Variants in POU6F2 observed in about 807,000 individuals in gnomAD.
The protein encoded by POU6F2 is POU class 6 homeobox 2.
In POU6F2, 31 loss-of-function variants were observed where a neutral mutation model predicts 71.3. That is an observed-to-expected ratio of 0.43 (90% confidence interval 0.33 to 0.59). POU6F2 has a LOEUF of 0.59. POU6F2 is among the 20% of genes least tolerant of loss of function. The pLI is 0.04. For synonymous variants in POU6F2, 347 were observed against 355.7 expected (o/e 0.98, Z 0.27); for missense variants, 783 against 856.8 (o/e 0.91, Z 1.07).
At chr7:39,063,536 G>A (rs945325909) in intron 1 of POU6F2, among the ~76,000 whole-genome samples, 17 of 152,186 alleles carry the variant, frequency 1.1e-4, no homozygotes, top group African/African-American at 4.1e-4. Flanking sequence ...TTAAACGGAT[G>A]AGAGAGACAA....
chr7:39,014,864 C>T (rs1298223692), intron 1 of POU6F2, among the ~76,000 whole-genome samples: 3 of 152,098 alleles, frequency 2.0e-5, no homozygotes, highest in Non-Finnish European at 4.4e-5. Flanking sequence ...GCGCCTCCTA[C>T]TTCTTAGTTT....
At chr7:39,333,422 A>C (rs1204746700) in intron 4 of POU6F2, among the ~76,000 whole-genome samples, 2 of 151,734 alleles carry the variant, frequency 1.3e-5, no homozygotes, top group African/African-American at 4.8e-5. Flanking sequence ...TTTTTTTCTA[A>C]TGGCAGAACA....
intron 1 of POU6F2, among the ~76,000 whole-genome samples, chr7:39,070,761 A>C (rs1391946201): frequency 6.6e-6 from 1 of 152,180 alleles, no homozygotes; most frequent in Non-Finnish European, 1.5e-5. Context: ...TGTAAGTTAC[A>C]TACCCACACC....
At chr7:39,126,994 T>TA (rs1225276376) in intron 2 of POU6F2, among the ~76,000 whole-genome samples, 3 of 152,174 alleles carry the variant, frequency 2.0e-5, no homozygotes, top group African/African-American at 4.8e-5. Flanking sequence ...GTAGCCACAT[T>TA]AAAAAAATAA....
chr7:39,236,119 A>G (rs1794670917), intron 4 of POU6F2, among the ~76,000 whole-genome samples: 1 of 152,146 alleles, frequency 6.6e-6, no homozygotes, highest in Non-Finnish European at 1.5e-5. Flanking sequence ...TGCACTCACC[A>G]CTTCCTTTGA....
At chr7:39,362,557 A>G (rs1343497534) in intron 5 of POU6F2, among the ~76,000 whole-genome samples, 2 of 152,290 alleles carry the variant, frequency 1.3e-5, no homozygotes, top group African/African-American at 4.8e-5. Flanking sequence ...CAGTTCTGGT[A>G]TCATTTTAGT....
chr7:39,141,328 T>C (rs1792496444), intron 2 of POU6F2, among the ~76,000 whole-genome samples: 1 of 152,172 alleles, frequency 6.6e-6, no homozygotes, highest in Non-Finnish European at 1.5e-5. Flanking sequence ...AGGAAGCAGT[T>C]GGAGGGAGTT....
chr7:39,078,898 A>G (rs1791053342), intron 1 of POU6F2, among the ~76,000 whole-genome samples: 2 of 152,150 alleles, frequency 1.3e-5, no homozygotes, highest in Non-Finnish European at 2.9e-5. Flanking sequence ...CAGCCTGGCG[A>G]CAGAGCAAGA....
Position 39,131,808 on chromosome 7 carries a change from C to G in POU6F2, c.277+45777C>G, listed in dbSNP as rs563964199. Among the ~76,000 whole-genome samples, 4 of 152,020 alleles carry G rather than the reference C, an allele frequency of 2.6e-5. No homozygotes were observed. The South Asian group carries it at 8.3e-4, about 32-fold the overall frequency. ...TGACTGGCTAGAGAGTGATTTGCTT[C>G]CCTTCCGATGAGAGGCATCTATTTT... On this transcript the variant is annotated intron_variant, in intron 2 of 9. Coordinates refer to ENST00000518318, the MANE Select transcript of POU6F2 (RefSeq NM_001370959.1).
intron 5 of POU6F2, among the ~76,000 whole-genome samples, chr7:39,374,091 G>GAGAT (rs1451314157): frequency 6.6e-6 from 1 of 152,124 alleles, no homozygotes; most frequent in African/African-American, 2.4e-5. Flanking sequence ...GGGGCAAAGG[G>GAGAT]AGATGATGAT....
rs1325891895 is a variant in POU6F2, at chr7:39,468,073, T to C, written c.*3387T>C. The C allele has an allele frequency of 6.6e-6, 1 of 152,244 alleles. No individual in the cohort carries two copies. Among genetic ancestry groups the C allele is most frequent in the Non-Finnish European group, 1.5e-5 (1 of 68,046 alleles). 9.4% of individuals were successfully genotyped at this position (152,244 alleles called of 1,614,324 possible). On this transcript the variant is annotated 3_prime_UTR_variant, in exon 10 of 10. Transcript: ENST00000518318. Reference sequence around the variant, plus strand: ...TAAAGGAAATTGATTTTCATTTCAATGTTTGACTGTAAAATCTGTTTGGAT... The same window carrying C: ...TAAAGGAAATTGATTTTCATTTCAACGTTTGACTGTAAAATCTGTTTGGAT...
At chr7:39,367,735 C>T (rs1028848142) in intron 5 of POU6F2, among the ~76,000 whole-genome samples, 1 of 152,164 alleles carries the variant, frequency 6.6e-6, no homozygotes, top group Non-Finnish European at 1.5e-5. Context: ...AACCCTGCAT[C>T]TAGCATGTCT....
chr7:39,402,307 A>T (rs774398174), intron 5 of POU6F2, among the ~76,000 whole-genome samples: 46 of 152,342 alleles, frequency 3.0e-4, no homozygotes, highest in Non-Finnish European at 5.7e-4. Context: ...CAAAGTATAT[A>T]GATTTGGAAA....
At chr7:39,402,930 T>C (rs533487847) in intron 5 of POU6F2, among the ~76,000 whole-genome samples, 34 of 152,314 alleles carry the variant, frequency 2.2e-4, no homozygotes, top group Non-Finnish European at 4.9e-4. Context: ...ATCAGAACAT[T>C]AGCTACCATT....
At chr7:39,191,704 C>A (rs1031138141) in intron 2 of POU6F2, among the ~76,000 whole-genome samples, 2 of 152,170 alleles carry the variant, frequency 1.3e-5, no homozygotes, top group Admixed American at 6.5e-5. Flanking sequence ...AACAAGAGGA[C>A]AACAAAATAA....
At chr7:39,362,399 G>T (rs1336110852) in intron 5 of POU6F2, among the ~76,000 whole-genome samples, 4 of 152,080 alleles carry the variant, frequency 2.6e-5, no homozygotes, top group East Asian at 1.9e-4. Flanking sequence ...CTCCCTTCTG[G>T]TCAAGCTTGC....
intron 4 of POU6F2, among the ~76,000 whole-genome samples, chr7:39,223,518 A>C (rs1794407736): frequency 6.6e-6 from 1 of 152,158 alleles, no homozygotes; most frequent in Non-Finnish European, 1.5e-5. Context: ...GATTTGAGGA[A>C]ATTTTTCCTT....
chr7:39,058,783 A>G (rs982034336), intron 1 of POU6F2, among the ~76,000 whole-genome samples: 3 of 152,178 alleles, frequency 2.0e-5, no homozygotes, highest in African/African-American at 7.2e-5. Flanking sequence ...TAACATTTTT[A>G]TGTAATACAA....
intron 5 of POU6F2, among the ~76,000 whole-genome samples, chr7:39,356,879 G>A (rs993662428): frequency 6.6e-6 from 1 of 152,130 alleles, no homozygotes; most frequent in African/African-American, 2.4e-5. Context: ...TTGGGAAATG[G>A]GGGCTTGATT....
Sources: allele counts gnomAD v4.1 joint callset (sites outside exome capture counted in the v4.1 genomes callset), GRCh38; gene constraint gnomAD v4.1.1; transcripts MANE v1.5; gene names NCBI Gene and HGNC (gene_info 2026-07-23, HGNC 2026-07-21).